Variants in GARRE1 observed in about 807,000 individuals in gnomAD.
GARRE1 encodes the protein granule associated Rac and RHOG effector 1.
GARRE1 carries 49 observed loss-of-function variants against 103.2 expected under a neutral mutation model. That is an observed-to-expected ratio of 0.47 (90% CI 0.38 to 0.60). The LOEUF (loss-of-function observed/expected upper bound fraction) is 0.60. Among genes scored for constraint, GARRE1 ranks in the 20% least tolerant of loss-of-function variants. The pLI, the probability that GARRE1 is intolerant of heterozygous loss-of-function variation, is 0.00. For synonymous variants in GARRE1, 505 were observed against 532.8 expected, an observed-to-expected ratio of 0.95 and a Z score of 0.72; for missense variants, 1,199 against 1,370.5, an observed-to-expected ratio of 0.87 and a Z score of 1.98.
At chr19:34,259,662 G>T (rs11084762) in intron 1 of GARRE1, among the ~76,000 whole-genome samples, 115,031 of 151,414 alleles carry the variant, frequency 0.76, 44,276 homozygotes, top group African/African-American at 0.82. Flanking sequence ...AGTTTTTTTT[G>T]TTTGTTTGTT....
chr19:34,321,967 G>A (rs1000809414), intron 3 of GARRE1, among the ~76,000 whole-genome samples: 5 of 152,124 alleles, frequency 3.3e-5, no homozygotes, highest in African/African-American at 4.8e-5. Flanking sequence ...TTCTCCTCTC[G>A]TGGTGACAAC....
chr19:34,324,582 A>T (rs753869318), intron 3 of GARRE1, among the ~76,000 whole-genome samples: 1 of 151,578 alleles, frequency 6.6e-6, no homozygotes, highest in East Asian at 1.9e-4. Flanking sequence ...GCTTACTGCA[A>T]TCTTGACCTC....
At chr19:34,276,653 C>T (rs1470354235) in intron 1 of GARRE1, among the ~76,000 whole-genome samples, 2 of 152,222 alleles carry the variant, frequency 1.3e-5, no homozygotes, top group Admixed American at 1.3e-4. Flanking sequence ...TCTCTGCCTT[C>T]TCCCTCATAT....
chr19:34,318,168 A>G (rs16969186), intron 2 of GARRE1, among the ~76,000 whole-genome samples: 4,764 of 152,238 alleles, frequency 0.031, 250 homozygotes, highest in African/African-American at 0.11. Flanking sequence ...CTTGCTGGGA[A>G]CTGGCTTGCC....
intron 1 of GARRE1, among the ~76,000 whole-genome samples, chr19:34,284,157 G>A (rs2073872734): frequency 8.9e-6 from 1 of 112,476 alleles, no homozygotes; most frequent in African/African-American, 3.5e-5. Context: ...TTTTGAGACA[G>A]TCTCACTCAG....
chr19:34,282,611 T>C (rs2073862472), intron 1 of GARRE1, among the ~76,000 whole-genome samples: 1 of 152,224 alleles, frequency 6.6e-6, no homozygotes, highest in East Asian at 1.9e-4. Context: ...TTTCCTTCAC[T>C]GTCTGGTGAT....
chr19:34,275,406 C>A (rs1473421582), intron 1 of GARRE1, among the ~76,000 whole-genome samples: 1 of 151,772 alleles, frequency 6.6e-6, no homozygotes, highest in Non-Finnish European at 1.5e-5. Flanking sequence ...TCCCCCATTC[C>A]ACACCCCCAC....
intron 12 of GARRE1, among the ~76,000 whole-genome samples, chr19:34,350,302 T>TC (rs1242944237): frequency 6.6e-6 from 1 of 152,110 alleles, no homozygotes; most frequent in Non-Finnish European, 1.5e-5. Flanking sequence ...TGAGTTTCTG[T>TC]GAAGGGCGCC....
At chr19:34,314,144 A>T (rs1452828576) in intron 2 of GARRE1, among the ~76,000 whole-genome samples, 1 of 152,204 alleles carries the variant, frequency 6.6e-6, no homozygotes, top group Non-Finnish European at 1.5e-5. Flanking sequence ...AGAGTAATTA[A>T]CGTGGACTCA....
At chr19:34,303,218 T>G (rs2073989689) in intron 2 of GARRE1, among the ~76,000 whole-genome samples, 2 of 152,344 alleles carry the variant, frequency 1.3e-5, no homozygotes, top group African/African-American at 4.8e-5. Context: ...AAATTACTTT[T>G]AGCTGTTCAG....
chr19:34,304,925 T>C (rs999875896), intron 2 of GARRE1, among the ~76,000 whole-genome samples: 1 of 151,066 alleles, frequency 6.6e-6, no homozygotes, highest in African/African-American at 2.4e-5. Flanking sequence ...CCGAGTAGCT[T>C]GGACTGCAGG....
chr19:34,261,607 A>C (rs1034987552), intron 1 of GARRE1, among the ~76,000 whole-genome samples: 26 of 152,070 alleles, frequency 1.7e-4, no homozygotes, highest in African/African-American at 5.1e-4. Flanking sequence ...CTGTGGGAAA[A>C]AGTAAGTCCA....
Position 34,347,864 on chromosome 19 carries a change from T to C in GARRE1, c.2522-13T>C. On this transcript the variant is annotated splice_polypyrimidine_tract_variant and intron_variant, in intron 10 of 13. Coordinates refer to ENST00000299505, the MANE Select transcript of GARRE1 (RefSeq NM_014686.5). ...TGTCCCCAAACCCGGTTTATTCCTT[T>C]GTCCCAATGCAGTGGGCTCAGACCC... The C allele has an allele frequency of 6.6e-7, 1 of 1,515,118 alleles. No homozygotes were observed. Among genetic ancestry groups the C allele is most frequent in the Non-Finnish European group, 8.9e-7 (1 of 1,124,846 alleles). The allele number at this position is 1,515,118 out of a possible 1,614,324, so 93.9% of individuals were successfully genotyped here. A position where few individuals can be genotyped will look rare whatever the true frequency, so the allele number is the denominator to read the frequency against.
intron 2 of GARRE1, among the ~76,000 whole-genome samples, chr19:34,301,856 C>G (rs757648140): frequency 1.8e-4 from 27 of 148,880 alleles, no homozygotes; most frequent in Non-Finnish European, 2.7e-4. Context: ...CTAATTTTTT[C>G]GTATTTTTAG....
intron 1 of GARRE1, among the ~76,000 whole-genome samples, chr19:34,277,471 G>T (rs1036671165): frequency 1.3e-5 from 2 of 152,076 alleles, no homozygotes; most frequent in Non-Finnish European, 1.5e-5. Context: ...GTGAAATTTG[G>T]AGTTTCTCTG....
rs185173597 is a variant in GARRE1, at chr19:34,334,958, G to A, written c.1361+1157G>A. Among the ~76,000 whole-genome samples, 22 of 151,846 alleles carry A rather than the reference G, an allele frequency of 1.4e-4. No homozygotes were observed. The East Asian group carries it at 3.3e-3, about 23-fold the overall frequency. On this transcript the variant is annotated intron_variant, in intron 8 of 13. Coordinates refer to ENST00000299505, the MANE Select transcript of GARRE1 (RefSeq NM_014686.5). Reference sequence around the variant, plus strand: ...AATCCCAGCTTAAGGCAGGAGAACCGCTTGAGCCTGGGAGACAGAGGTTGC... The same window carrying A: ...AATCCCAGCTTAAGGCAGGAGAACCACTTGAGCCTGGGAGACAGAGGTTGC...
Position 34,341,767 on chromosome 19 carries a change from T to G in GARRE1, c.1833T>G (p.Ser611Arg). 6.2e-7 allele frequency: 1 copy of G among 1,614,174 alleles called. No individual in the cohort carries two copies. The highest frequency in any genetic ancestry group is 1.6e-4 in the Middle Eastern group (1 of 6,062). ...CTTCACAGTCAGCTCAGAATTCCAG[T>G]AATACAGTGGCCAATGGCTTTCTCA... is the stretch of plus-strand genomic sequence containing the variant. ...TDPSQSAQNSSNTVANGFLME... is the reference protein window; with the variant it reads ...TDPSQSAQNSRNTVANGFLME... The change falls in exon 10 of 14, where the codon AGT becomes AGG. Residue 611 changes from serine (S) to arginine (R), a missense_variant. Transcript: ENST00000299505.
rs144525683 is a variant in GARRE1 at position 34,294,348 on chromosome 19, A to G, written c.-795-5331A>G. Among the ~76,000 whole-genome samples the G allele has an allele frequency of 1.4e-4, 22 of 151,908 alleles. No homozygotes were observed. In the East Asian group the frequency reaches 4.3e-3, roughly 29 times the overall value. On this transcript the variant is annotated intron_variant, in intron 1 of 13. Coordinates refer to ENST00000299505, the MANE Select transcript of GARRE1 (RefSeq NM_014686.5). ...CTGAGGTGGAGGATTGCTTGAGCCC[A>G]GAAGGTCAAGGCTGCAATGAGCCAT... is the stretch of plus-strand genomic sequence containing the variant.
intron 12 of GARRE1, 128 bp from the exon 13 acceptor site, chr19:34,351,386 C>G (rs565919245): frequency 2.8e-6 from 2 of 707,392 alleles, no homozygotes; most frequent in East Asian, 2.6e-5. Context: ...TGCCATTGAC[C>G]CAGGCAGGCC....
Sources: gnomAD v4.1 joint callset for allele counts (sites outside exome capture counted in the v4.1 genomes callset) on GRCh38, gnomAD v4.1.1 for gene constraint, MANE v1.5 for transcripts, NCBI Gene and HGNC (gene_info 2026-07-23, HGNC 2026-07-21) for gene names.